FAM83F: variants seen among roughly 807,000 people sequenced by gnomAD.
The protein encoded by FAM83F is scaffolding CK1 anchoring protein F.
FAM83F carries 45 observed loss-of-function variants against 42.9 expected under a neutral mutation model. The ratio of observed to expected loss-of-function variants is 1.05; its 90% confidence interval spans 0.83 to 1.35. FAM83F has a LOEUF of 1.35. FAM83F is among the 40% of genes most tolerant of loss of function. The pLI is 0.00. For missense variants in FAM83F, 617 were observed against 695.9 expected, an observed-to-expected ratio of 0.89 and a Z score of 1.28; for synonymous variants, 306 against 298.3, an observed-to-expected ratio of 1.03 and a Z score of -0.27.
rs576157849 is a variant in FAM83F at position 40,039,681 on chromosome 22, T to C, written c.*10116T>C. On this transcript the variant is annotated 3_prime_UTR_variant, in exon 5 of 5. Coordinates refer to ENST00000333407, the MANE Select transcript of FAM83F (RefSeq NM_138435.4). ...CCCAGAGACAACATAAGGAGAGAAG[T>C]GCAGACAGATTCCTTTGAAGGAGCT... The C allele has an allele frequency of 1.3e-5, 2 of 152,204 alleles. No individual in the cohort carries two copies. Among genetic ancestry groups the C allele is most frequent in the African/African-American group, 4.8e-5 (2 of 41,526 alleles). The allele number at this position is 152,204 out of a possible 1,614,324, so 9.4% of individuals were successfully genotyped here. A position where few individuals can be genotyped will look rare whatever the true frequency, so the allele number is the denominator to read the frequency against.
intron 1 of FAM83F, among the ~76,000 whole-genome samples, chr22:40,005,884 C>T (rs905927236): frequency 5.3e-5 from 8 of 152,178 alleles, no homozygotes; most frequent in Admixed American, 1.3e-4. Flanking sequence ...GAAGCCCCAG[C>T]GGACGAAGCA....
chr22:40,005,857 C>T (rs1047069260), intron 1 of FAM83F, among the ~76,000 whole-genome samples: 1 of 152,150 alleles, frequency 6.6e-6, no homozygotes, highest in Admixed American at 6.5e-5. Flanking sequence ...CAATGGAACG[C>T]GGCCACAGAT....
chr22:40,035,132 C>T lies in FAM83F; in HGVS notation c.*5567C>T, dbSNP rs1193605766. On this transcript the variant is annotated 3_prime_UTR_variant, in exon 5 of 5. Transcript: ENST00000333407. ...CCGTCCTAGAGCACTTTCACAGTGA[C>T]AGCCGGCTGGAATCAAGTTTTCATT... The T allele has an allele frequency of 6.6e-6, 1 of 152,200 alleles. No homozygotes were observed. The highest frequency in any genetic ancestry group is 2.4e-5 in the African/African-American group (1 of 41,446). 9.4% of individuals were successfully genotyped at this position (152,200 alleles called of 1,614,324 possible). A position where few individuals can be genotyped will look rare whatever the true frequency, so the allele number is the denominator to read the frequency against.
intron 1 of FAM83F, among the ~76,000 whole-genome samples, chr22:39,999,886 C>T (rs1450883318): frequency 6.6e-6 from 1 of 152,184 alleles, no homozygotes; most frequent in African/African-American, 2.4e-5. Flanking sequence ...TCCTTCAAGG[C>T]CTGGCTAAGA....
At position 40,022,150 on chromosome 22, in the gene FAM83F, TGGAG is replaced by T. The variant is rs148925613; in HGVS notation, c.1453+189_1453+192del. 4.9e-3 allele frequency among the ~76,000 whole-genome samples: 748 copies of T among 152,346 alleles called. 5 individuals carry two copies. The highest frequency in any genetic ancestry group is 0.017 in the African/African-American group (714 of 41,584). On this transcript the variant is annotated intron_variant, in intron 4 of 4. Coordinates refer to ENST00000333407, the MANE Select transcript of FAM83F (RefSeq NM_138435.4). ...ATTCTGGCCCCGGCCATTAGCTGCCTGGAGGCCTTGGGCAAGTCCTGCAGCTCTG... is the reference window on the plus strand; with the variant it reads ...ATTCTGGCCCCGGCCATTAGCTGCCTGCCTTGGGCAAGTCCTGCAGCTCTG...
chr22:40,003,296 C>T (rs1276696948), intron 1 of FAM83F, among the ~76,000 whole-genome samples: 3 of 152,174 alleles, frequency 2.0e-5, no homozygotes, highest in South Asian at 2.1e-4. Flanking sequence ...CTGGGACTTA[C>T]GCCCCTCCCT....
chr22:40,029,384 C>T (rs2067574108), intron 4 of FAM83F, 132 bp from the exon 5 acceptor site: 1 of 1,285,318 alleles, frequency 7.8e-7, no homozygotes. Context: ...TCCAGATCAG[C>T]AGCTTGGGAG....
Position 40,032,494 on chromosome 22 carries a change from G to C in FAM83F, c.*2929G>C, listed in dbSNP as rs547685750. 1 of 151,918 alleles carries C rather than the reference G, an allele frequency of 6.6e-6. No homozygotes were observed. The highest frequency in any genetic ancestry group is 1.9e-4 in the East Asian group (1 of 5,164). 9.4% of individuals were successfully genotyped at this position (151,918 alleles called of 1,614,324 possible). On this transcript the variant is annotated 3_prime_UTR_variant, in exon 5 of 5. Coordinates refer to ENST00000333407, the MANE Select transcript of FAM83F (RefSeq NM_138435.4). The stretch of plus-strand genomic sequence containing the variant: ...TGCCTGTGTAGAACTTTATAGAAAG[G>C]CTAGGCAAAAAATGAGACCCAGAGA...
rs117842847 is a variant in FAM83F at position 40,006,777 on chromosome 22, G to T, written c.489+11246G>T. 0.012 allele frequency among the ~76,000 whole-genome samples: 1,797 copies of T among 152,290 alleles called. 85 individuals carry two copies. In the South Asian group the frequency reaches 0.14, roughly 12 times the overall value. On this transcript the variant is annotated intron_variant, in intron 1 of 4. Transcript: ENST00000333407. ...GGCAGAGTCCGGAGCCGCTGAGTGG[G>T]CAGGGAAACGGGGAAACAGGGCACT...
At chr22:40,007,918 A>C (rs1260815785) in intron 1 of FAM83F, among the ~76,000 whole-genome samples, 1 of 152,210 alleles carries the variant, frequency 6.6e-6, no homozygotes, top group African/African-American at 2.4e-5. Flanking sequence ...TCGTCTCCAC[A>C]GAGCACCTTT....
chr22:39,997,407 CTT>C (rs36019915), intron 1 of FAM83F, among the ~76,000 whole-genome samples: 1 of 152,218 alleles, frequency 6.6e-6, no homozygotes, highest in Non-Finnish European at 1.5e-5. Context: ...ACAACAGAAA[CTT>C]TTAACAATTG....
intron 3 of FAM83F, 95 bp downstream of exon 3, chr22:40,020,103 G>C (rs1436138121): frequency 6.7e-7 from 1 of 1,484,210 alleles, no homozygotes; most frequent in Non-Finnish European, 9.0e-7. Context: ...CATCATGAGT[G>C]TGTAACAGGG....
At position 40,042,400 on chromosome 22, in the gene FAM83F, T is replaced by C. The variant is rs1197784901; in HGVS notation, c.*12835T>C. 6.6e-6 allele frequency: 1 copy of C among 152,248 alleles called. No individual in the cohort carries two copies. 9.4% of individuals were successfully genotyped at this position (152,248 alleles called of 1,614,324 possible). On this transcript the variant is annotated 3_prime_UTR_variant, in exon 5 of 5. Transcript: ENST00000333407. ...CCCTGCCACCAGAGAGCAAATGTCG[T>C]AGGTCACCACACATCACCAGTCTCT... is the stretch of plus-strand genomic sequence containing the variant.
In FAM83F at chr22:39,995,131, G is replaced by C; in HGVS notation, c.89G>C (p.Arg30Pro). ...EAQAAFYYCE[R>P]RRAALEALLG... ...CAGGCCGCCTTCTACTACTGCGAGC[G>C]GCGGCGGGCCGCGCTGGAGGCGCTG... The change falls in exon 1 of 5, where the codon CGG becomes CCG. Residue 30 changes from arginine (R) to proline (P), a missense_variant. Coordinates refer to ENST00000333407, the MANE Select transcript of FAM83F (RefSeq NM_138435.4). This position sits in a 1 kb window ranked among gnomAD's most constrained non-coding sequence, Gnocchi z 4.6. 5 of 1,372,406 alleles carry C rather than the reference G, an allele frequency of 3.6e-6. No individual in the cohort carries two copies. Among genetic ancestry groups the C allele is most frequent in the African/African-American group, 3.1e-5 (2 of 65,162 alleles). The allele number at this position is 1,372,406 out of a possible 1,614,324, so 85.0% of individuals were successfully genotyped here.
Position 40,043,270 on chromosome 22 carries a change from C to T in FAM83F, c.*13705C>T, listed in dbSNP as rs778393276. 6.6e-6 allele frequency: 1 copy of T among 152,146 alleles called. No homozygotes were observed. The highest frequency in any genetic ancestry group is 2.4e-5 in the African/African-American group (1 of 41,402). The allele number at this position is 152,146 out of a possible 1,614,324, so 9.4% of individuals were successfully genotyped here. ...TTGGGACGGTAAAATGTTAATTACC[C>T]AAGATGGAATGTGGGCTAGAGTCCA... On this transcript the variant is annotated 3_prime_UTR_variant, in exon 5 of 5. Transcript: ENST00000333407.
chr22:40,028,227 G>A (rs959988891), intron 4 of FAM83F, among the ~76,000 whole-genome samples: 36 of 152,318 alleles, frequency 2.4e-4, no homozygotes, highest in African/African-American at 4.3e-4. Flanking sequence ...TGAAGAGCTC[G>A]TTCAGTCTGC....
chr22:40,042,307 G>A lies in FAM83F; in HGVS notation c.*12742G>A, dbSNP rs1218164614. 1 of 152,220 alleles carries A rather than the reference G, an allele frequency of 6.6e-6. No individual in the cohort carries two copies. The highest frequency in any genetic ancestry group is 1.5e-5 in the Non-Finnish European group (1 of 68,046). The allele number at this position is 152,220 out of a possible 1,614,324, so 9.4% of individuals were successfully genotyped here. A position where few individuals can be genotyped will look rare whatever the true frequency, so the allele number is the denominator to read the frequency against. On this transcript the variant is annotated 3_prime_UTR_variant, in exon 5 of 5. Coordinates refer to ENST00000333407, the MANE Select transcript of FAM83F (RefSeq NM_138435.4). The stretch of plus-strand genomic sequence containing the variant: ...AATGAGGTGGAGTGGACAAATTGCT[G>A]AGGCCTTTATGGACAAAGATTCTAA...
At chr22:40,012,372 T>A (rs561448681) in intron 1 of FAM83F, among the ~76,000 whole-genome samples, 1 of 151,714 alleles carries the variant, frequency 6.6e-6, no homozygotes, top group East Asian at 2.0e-4. Context: ...TGACCTCAGG[T>A]GATCCATCCG....
intron 1 of FAM83F, among the ~76,000 whole-genome samples, chr22:40,002,187 G>A (rs1457379105): frequency 2.6e-5 from 4 of 152,158 alleles, no homozygotes; most frequent in East Asian, 1.9e-4. Flanking sequence ...CCCCACACAC[G>A]GTCATCCTGA....
Sources: gnomAD v4.1 joint callset for allele counts (sites outside exome capture counted in the v4.1 genomes callset) on GRCh38, gnomAD v4.1.1 for gene constraint, Gnocchi (gnomAD v3.1) non-coding constraint, MANE v1.5 for transcripts, NCBI Gene and HGNC (gene_info 2026-07-23, HGNC 2026-07-21) for gene names.